The following DEPDC1B variants were observed in gnomAD, a reference collection of about 807,000 sequenced individuals.
The protein encoded by DEPDC1B is DEP domain containing 1B.
A neutral mutation model predicts 66.5 loss-of-function variants in DEPDC1B; 51 were observed. That is an observed-to-expected ratio of 0.77 (90% CI 0.61 to 0.97). The LOEUF is 0.97. Among genes scored for constraint, DEPDC1B ranks in the 50% least tolerant of loss-of-function variants. The pLI, the probability that DEPDC1B is intolerant of heterozygous loss-of-function variation, is 0.00. For synonymous variants in DEPDC1B, 226 were observed against 223.6 expected, an observed-to-expected ratio of 1.01 and a Z score of -0.10; for missense variants, 552 against 637.1, an observed-to-expected ratio of 0.87 and a Z score of 1.44.
At chr5:60,667,564 TAAAAAAGTGG>T (rs1753878364) in intron 2 of DEPDC1B, among the ~76,000 whole-genome samples, 1 of 144,664 alleles carries the variant, frequency 6.9e-6, no homozygotes, top group Non-Finnish European at 1.5e-5. Flanking sequence ...TTTACATATA[TAAAAAAGTGG>T]ATATTTTACA....
chr5:60,621,511 A>C (rs1247281500), intron 7 of DEPDC1B, among the ~76,000 whole-genome samples: 1 of 151,946 alleles, frequency 6.6e-6, no homozygotes, highest in Non-Finnish European at 1.5e-5. Context: ...AGAAAGGGGA[A>C]TATAACACAC....
At chr5:60,678,134 T>TTTTA (rs1375742494) in intron 2 of DEPDC1B, among the ~76,000 whole-genome samples, 2 of 152,192 alleles carry the variant, frequency 1.3e-5, no homozygotes, top group Non-Finnish European at 2.9e-5. Context: ...AATAAAATTT[T>TTTTA]TTTTTTTGGT....
chr5:60,695,873 A>C lies in DEPDC1B; in HGVS notation c.48+4173T>G, dbSNP rs572625459. ...GAGTGCAGTGGCGTGATCTCGGCTG[A>C]CTGCAACCTCCGACGCCCTGGTTCA... On this transcript the variant is annotated intron_variant, in intron 1 of 10. Coordinates refer to ENST00000265036, the MANE Select transcript of DEPDC1B (RefSeq NM_018369.3). Among the ~76,000 whole-genome samples the C allele has an allele frequency of 2.0e-5, 3 of 152,216 alleles. No individual in the cohort carries two copies. The South Asian group carries it at 6.2e-4, about 32-fold the overall frequency.
intron 2 of DEPDC1B, among the ~76,000 whole-genome samples, chr5:60,671,838 G>C (rs532741307): frequency 6.6e-6 from 1 of 152,342 alleles, no homozygotes; most frequent in East Asian, 1.9e-4. Context: ...AACAATGTAA[G>C]TACCTGCCAC....
intron 2 of DEPDC1B, among the ~76,000 whole-genome samples, chr5:60,662,838 G>C (rs1032511759): frequency 6.6e-6 from 1 of 152,076 alleles, no homozygotes; most frequent in Admixed American, 6.5e-5. Flanking sequence ...AGAGCCCCAG[G>C]TATGCTTGAC....
chr5:60,692,924 G>A (rs747599518), intron 1 of DEPDC1B, among the ~76,000 whole-genome samples: 11 of 152,064 alleles, frequency 7.2e-5, no homozygotes, highest in Non-Finnish European at 1.0e-4. Context: ...TTTACTTGAA[G>A]CTCAAAAGCA....
chr5:60,672,438 G>C (rs1238643243), intron 2 of DEPDC1B, among the ~76,000 whole-genome samples: 1 of 152,158 alleles, frequency 6.6e-6, no homozygotes, highest in Non-Finnish European at 1.5e-5. Context: ...TTCTTCACAA[G>C]GTGGCAGGAG....
At chr5:60,618,403 A>G (rs34850125) in intron 7 of DEPDC1B, among the ~76,000 whole-genome samples, 1 of 152,220 alleles carries the variant, frequency 6.6e-6, no homozygotes, top group Non-Finnish European at 1.5e-5. Context: ...AGACTAATAA[A>G]GAAGAAAAGA....
intron 2 of DEPDC1B, among the ~76,000 whole-genome samples, chr5:60,662,021 T>C (rs1460725009): frequency 6.6e-6 from 1 of 152,158 alleles, no homozygotes; most frequent in African/African-American, 2.4e-5. Flanking sequence ...CATACCTCTT[T>C]GTCACCTAAC....
rs1554054980 is a variant in DEPDC1B, at chr5:60,667,991, T to TTA, written c.314+18969_314+18970dup. The stretch of plus-strand genomic sequence containing the variant: ...ATATTTTATATATATAAAATGGATA[T>TTA]TATATATATAAAATGGATATTTTAT... On this transcript the variant is annotated intron_variant, in intron 2 of 10. Transcript: ENST00000265036. 1.3e-4 allele frequency among the ~76,000 whole-genome samples: 12 copies of TTA among 93,762 alleles called. 2 individuals carry two copies. Among genetic ancestry groups the TTA allele is most frequent in the African/African-American group, 6.2e-4 (11 of 17,868 alleles). The allele number at this position is 93,762 out of a possible 152,430, so 61.5% of individuals were successfully genotyped here. A position where few individuals can be genotyped will look rare whatever the true frequency, so the allele number is the denominator to read the frequency against.
rs752487712 is a variant in DEPDC1B, at chr5:60,638,793, A to G, written c.855T>C (p.Pro285=). ...CATCAAAAAGATGAAATGTAAGTAG[A>G]GGCTCTTTCAAGTGACCATAGTAAT... The part of the protein sequence containing the change: ...IADYYGHLKE[P]LLTFHLFDAF... The change falls in exon 7 of 11, where the codon CCT becomes CCC. Residue 285 remains proline, a synonymous_variant. Coordinates refer to ENST00000265036, the MANE Select transcript of DEPDC1B (RefSeq NM_018369.3). 8 of 1,612,326 alleles carry G rather than the reference A, an allele frequency of 5.0e-6. No homozygotes were observed. Among genetic ancestry groups the G allele is most frequent in the Non-Finnish European group, 6.8e-6 (8 of 1,179,236 alleles).
chr5:60,636,581 T>C (rs1753048622), intron 7 of DEPDC1B, among the ~76,000 whole-genome samples: 1 of 152,164 alleles, frequency 6.6e-6, no homozygotes, highest in South Asian at 2.1e-4. Flanking sequence ...CCAACCTACA[T>C]ATGTAGATAT....
chr5:60,664,975 C>T (rs1183733546), intron 2 of DEPDC1B, among the ~76,000 whole-genome samples: 1 of 152,054 alleles, frequency 6.6e-6, no homozygotes, highest in Admixed American at 6.6e-5. Context: ...TCTTACACTG[C>T]CGGGGTCATC....
At chr5:60,697,393 C>A (rs1754681392) in intron 1 of DEPDC1B, among the ~76,000 whole-genome samples, 1 of 152,106 alleles carries the variant, frequency 6.6e-6, no homozygotes, top group South Asian at 2.1e-4. Flanking sequence ...TTTTACCAAG[C>A]TTCCCCTGAA....
At chr5:60,676,324 A>C (rs1326771144) in intron 2 of DEPDC1B, among the ~76,000 whole-genome samples, 1 of 151,490 alleles carries the variant, frequency 6.6e-6, no homozygotes, top group African/African-American at 2.4e-5. Flanking sequence ...GCACATGTAT[A>C]CATATGTAAC....
Position 60,603,399 on chromosome 5 carries a change from T to G in DEPDC1B, c.1234A>C (p.Arg412=), listed in dbSNP as rs138083193. Residue 412 remains arginine (R), a synonymous_variant, in exon 9 of 11, where the codon AGA becomes CGA. Coordinates refer to ENST00000265036, the MANE Select transcript of DEPDC1B (RefSeq NM_018369.3). ...SIEERVAHLR[R]VQIKYPGADM... ...AATATCCTCTCCTTTACCTGGACTC[T>G]TCGTAGATGAGCCACACGCTCCTCT... 5.3e-4 allele frequency: 841 copies of G among 1,576,590 alleles called. 3 individuals are homozygous for G. The highest frequency in any genetic ancestry group is 6.8e-4 in the Middle Eastern group (4 of 5,908).
At chr5:60,659,214 C>T (rs1753648856) in intron 2 of DEPDC1B, among the ~76,000 whole-genome samples, 2 of 152,100 alleles carry the variant, frequency 1.3e-5, no homozygotes, top group Non-Finnish European at 2.9e-5. Context: ...AGCAGCCCAC[C>T]CCCATCTTGA....
intron 2 of DEPDC1B, among the ~76,000 whole-genome samples, chr5:60,674,072 A>G (rs1161479019): frequency 6.6e-6 from 1 of 152,190 alleles, no homozygotes; most frequent in East Asian, 1.9e-4. Flanking sequence ...ACACTAGTGG[A>G]TAATAACTAG....
chr5:60,605,627 A>G lies in DEPDC1B; in HGVS notation c.1065+63T>C. The G allele has an allele frequency of 1.9e-6, 3 of 1,554,434 alleles. No individual in the cohort carries two copies. The South Asian group carries it at 3.7e-5, about 19-fold the overall frequency. ...TACTTCCCTCTGATCACCCAAACTA[A>G]TACACCTTACTCAGTCGACTTTCAT... On this transcript the variant is annotated intron_variant, in intron 8 of 10. Transcript: ENST00000265036.
Sources: gnomAD v4.1 joint callset for allele counts (sites outside exome capture counted in the v4.1 genomes callset) on GRCh38, gnomAD v4.1.1 for gene constraint, MANE v1.5 for transcripts, NCBI Gene and HGNC (gene_info 2026-07-23, HGNC 2026-07-21) for gene names.